TBC1D12: variants seen among roughly 807,000 people sequenced by gnomAD.
The protein encoded by TBC1D12 is TBC1 domain family, member 12.
A neutral mutation model predicts 86.7 loss-of-function variants in TBC1D12; 56 were observed. That is an observed-to-expected ratio of 0.65 (90% CI 0.52 to 0.81). TBC1D12 has a LOEUF of 0.81. Among genes scored for constraint, TBC1D12 ranks in the 30% least tolerant of loss-of-function variants. TBC1D12 has a pLI of 0.00. For missense variants in TBC1D12, 1,023 were observed against 1,038.8 expected (o/e 0.98, Z 0.21); for synonymous variants, 421 against 411.7 (o/e 1.02, Z -0.27).
intron 3 of TBC1D12, among the ~76,000 whole-genome samples, chr10:94,475,029 C>A (rs2055968262): frequency 6.6e-6 from 1 of 152,148 alleles, no homozygotes; most frequent in African/African-American, 2.4e-5. Context: ...ATCCTCCTGC[C>A]TCAGTCTCCC....
rs997030929 is a variant in TBC1D12 at position 94,536,214 on chromosome 10, C to CT, written c.*3119dup. The stretch of plus-strand genomic sequence containing the variant: ...ATTTTCAATTAAAAAAAAACTTTTC[C>CT]TAAAATACTCAAAATAATGTGAAAT... On this transcript the variant is annotated 3_prime_UTR_variant, in exon 13 of 13. Coordinates refer to ENST00000225235, the MANE Select transcript of TBC1D12 (RefSeq NM_015188.2). Among the ~76,000 whole-genome samples, 1 of 151,770 alleles carries CT rather than the reference C, an allele frequency of 6.6e-6. No individual in the cohort carries two copies. Among genetic ancestry groups the CT allele is most frequent in the African/African-American group, 2.4e-5 (1 of 41,318 alleles).
At chr10:94,525,857 A>G (rs1391673547) in intron 11 of TBC1D12, among the ~76,000 whole-genome samples, 1 of 152,132 alleles carries the variant, frequency 6.6e-6, no homozygotes, top group Non-Finnish European at 1.5e-5. Flanking sequence ...CATGGGGTAC[A>G]TAGTGATGTT....
intron 9 of TBC1D12, among the ~76,000 whole-genome samples, chr10:94,520,355 C>A (rs981490965): frequency 6.6e-6 from 1 of 151,946 alleles, no homozygotes; most frequent in Non-Finnish European, 1.5e-5. Flanking sequence ...GAGTTCAAGA[C>A]CAGCCTGACC....
intron 5 of TBC1D12, among the ~76,000 whole-genome samples, chr10:94,497,380 T>C (rs2056335546): frequency 6.6e-6 from 1 of 152,122 alleles, no homozygotes; most frequent in South Asian, 2.1e-4. Flanking sequence ...CAGCATATAT[T>C]TTATGCTTTG....
chr10:94,403,683 G>A (rs1280907644), intron 1 of TBC1D12, 99 bp downstream of exon 1: 1 of 932,870 alleles, frequency 1.1e-6, no homozygotes, highest in Non-Finnish European at 1.5e-6. Context: ...CCGGAGCGGA[G>A]AGCTTGGTCG....
chr10:94,481,468 A>G (rs544209678), intron 3 of TBC1D12, among the ~76,000 whole-genome samples: 4 of 152,324 alleles, frequency 2.6e-5, no homozygotes, highest in African/African-American at 9.6e-5. Flanking sequence ...TTCTATGTGT[A>G]TAAACAGCTT....
At position 94,497,181 on chromosome 10, in the gene TBC1D12, G is replaced by A. The variant is rs765743940; in HGVS notation, c.1412+9G>A. Reference sequence around the variant, plus strand: ...CCCAATTGGGAAGTAATGTAAGTAAGCAGACTTTTCCTAAATTCCCATTTG... The same window carrying A: ...CCCAATTGGGAAGTAATGTAAGTAAACAGACTTTTCCTAAATTCCCATTTG... On this transcript the variant is annotated intron_variant, in intron 5 of 12. Transcript: ENST00000225235. 1 of 1,472,560 alleles carries A rather than the reference G, an allele frequency of 6.8e-7. No homozygotes were observed. The highest frequency in any genetic ancestry group is 2.6e-5 in the East Asian group (1 of 38,344). The allele number at this position is 1,472,560 out of a possible 1,614,324, so 91.2% of individuals were successfully genotyped here.
intron 8 of TBC1D12, among the ~76,000 whole-genome samples, chr10:94,511,378 A>G (rs929451373): frequency 6.6e-6 from 1 of 152,118 alleles, no homozygotes. Flanking sequence ...GATTATAGGC[A>G]TGAGCCACCG....
At chr10:94,506,036 T>C (rs1293582614) in intron 6 of TBC1D12, among the ~76,000 whole-genome samples, 1 of 121,992 alleles carries the variant, frequency 8.2e-6, no homozygotes, top group East Asian at 2.7e-4. Flanking sequence ...TTTGTACTTT[T>C]TGAAATTTTT....
chr10:94,515,109 G>A (rs1421395504), intron 9 of TBC1D12, among the ~76,000 whole-genome samples: 2 of 150,336 alleles, frequency 1.3e-5, no homozygotes, highest in African/African-American at 2.4e-5. Context: ...GGGTTTCACC[G>A]TTTTAGCCGG....
rs546339373 is a variant in TBC1D12, at chr10:94,496,030, G to A, written c.1295-1025G>A. On this transcript the variant is annotated intron_variant, in intron 4 of 12. Transcript: ENST00000225235. The stretch of plus-strand genomic sequence containing the variant: ...AGGCAGGAGAATTGCTTGATCCCGG[G>A]AGGTAGAGGTTGCAGTGAGCAGAGA... 1.2e-4 allele frequency among the ~76,000 whole-genome samples: 18 copies of A among 152,164 alleles called. 1 individual carries two copies. The South Asian group carries it at 3.7e-3, about 32-fold the overall frequency.
intron 9 of TBC1D12, among the ~76,000 whole-genome samples, chr10:94,513,441 G>A (rs1222095135): frequency 6.6e-6 from 1 of 152,036 alleles, no homozygotes; most frequent in African/African-American, 2.4e-5. Flanking sequence ...CTGTAGTGGA[G>A]TTTAAATACT....
At chr10:94,410,647 G>A (rs965003919) in intron 1 of TBC1D12, among the ~76,000 whole-genome samples, 1 of 152,128 alleles carries the variant, frequency 6.6e-6, no homozygotes, top group Non-Finnish European at 1.5e-5. Flanking sequence ...GCTAATTAAT[G>A]TAAGAATTAC....
At chr10:94,417,317 A>G (rs1490185744) in intron 1 of TBC1D12, among the ~76,000 whole-genome samples, 1 of 152,208 alleles carries the variant, frequency 6.6e-6, no homozygotes, top group Non-Finnish European at 1.5e-5. Flanking sequence ...AAATCTTTCA[A>G]TCTCTGCAAG....
chr10:94,417,699 A>T (rs1016812718), intron 1 of TBC1D12, among the ~76,000 whole-genome samples: 12 of 151,884 alleles, frequency 7.9e-5, no homozygotes, highest in South Asian at 4.2e-4. Flanking sequence ...GAAAGAGATT[A>T]AAAAAAATTG....
chr10:94,452,657 A>C (rs2134107370), intron 2 of TBC1D12, among the ~76,000 whole-genome samples: 1 of 152,232 alleles, frequency 6.6e-6, no homozygotes, highest in South Asian at 2.1e-4. Flanking sequence ...ATTGTCTGGG[A>C]ACACCACAGT....
intron 9 of TBC1D12, among the ~76,000 whole-genome samples, chr10:94,521,021 G>A (rs1459418393): frequency 6.6e-6 from 1 of 151,930 alleles, no homozygotes; most frequent in East Asian, 1.9e-4. Flanking sequence ...TCTTCTAGAA[G>A]TAAGTGATAA....
chr10:94,519,261 A>T (rs1284952667), intron 9 of TBC1D12, among the ~76,000 whole-genome samples: 1 of 152,236 alleles, frequency 6.6e-6, no homozygotes, highest in Non-Finnish European at 1.5e-5. Flanking sequence ...CAGATGGTTA[A>T]TAATTTGCCC....
At position 94,522,341 on chromosome 10, in the gene TBC1D12, T is replaced by C; in HGVS notation, c.1891-3T>C. ...ATAATTTTATTGATTTTTTAATCTT[T>C]AGATGTTGAAATATTTTGCAACATT... On this transcript the variant is annotated splice_region_variant and splice_polypyrimidine_tract_variant and intron_variant, in intron 10 of 12. Transcript: ENST00000225235. 2.2e-6 allele frequency: 3 copies of C among 1,340,064 alleles called. No homozygotes were observed. Among genetic ancestry groups the C allele is most frequent in the Non-Finnish European group, 3.1e-6 (3 of 974,902 alleles). 83.0% of individuals were successfully genotyped at this position (1,340,064 alleles called of 1,614,324 possible).
Sources: gnomAD v4.1 joint callset for allele counts (sites outside exome capture counted in the v4.1 genomes callset) on GRCh38, gnomAD v4.1.1 for gene constraint, MANE v1.5 for transcripts, NCBI Gene and HGNC (gene_info 2026-07-23, HGNC 2026-07-21) for gene names.